The following DDX28 variants were observed in gnomAD, a reference collection of about 807,000 sequenced individuals.
The protein encoded by DDX28 is probable ATP-dependent RNA helicase DDX28.
A neutral mutation model predicts 26.8 loss-of-function variants in DDX28; 25 were observed. The observed-to-expected ratio is 0.93, with a 90% CI of 0.68 to 1.30. The LOEUF (loss-of-function observed/expected upper bound fraction) is 1.30. DDX28 is among the 50% of genes most tolerant of loss of function. DDX28 has a pLI of 0.00. For missense variants in DDX28, 790 were observed against 695.1 expected (o/e 1.14, Z -1.53); for synonymous variants, 370 against 311.9 (o/e 1.19, Z -1.96).
rs1406147955 is a variant in DDX28 at position 68,023,043 on chromosome 16, G to T, written c.160C>A (p.Arg54=). 1.3e-6 allele frequency: 2 copies of T among 1,593,688 alleles called. No homozygotes were observed. Among genetic ancestry groups the T allele is most frequent in the East Asian group, 4.5e-5 (2 of 44,482 alleles). The change falls in exon 1 of 1, where the codon CGG becomes AGG. Residue 54 remains arginine (R), a synonymous_variant. Coordinates refer to ENST00000332395, the MANE Select transcript of DDX28 (RefSeq NM_018380.4). ...ACCAGCACCGGCCTCGGGAGGTTCC[G>T]CCGCCTGCTCTGCCGCTGTTCCAAC... is the stretch of plus-strand genomic sequence containing the variant. ...RQLEQRQSRR[R]NLPRPVLVRP...
At position 68,022,523 on chromosome 16, in the gene DDX28, C is replaced by T. The variant is rs2033262461; in HGVS notation, c.680G>A (p.Gly227Asp). 1.9e-6 allele frequency: 3 copies of T among 1,613,928 alleles called. No individual in the cohort carries two copies. Among genetic ancestry groups the T allele is most frequent in the East Asian group, 2.2e-5 (1 of 44,882 alleles). ...QQVRAVAQPLGRSLGLLVRDL... is the reference protein window; with the variant it reads ...QQVRAVAQPLDRSLGLLVRDL... ...CCGCACCAGCAGGCCCAAGGAGCGGCCCAAGGGTTGGGCCACAGCCCGCAC... is the reference window on the plus strand; with the variant it reads ...CCGCACCAGCAGGCCCAAGGAGCGGTCCAAGGGTTGGGCCACAGCCCGCAC... Residue 227 changes from glycine to aspartate, a missense_variant, in exon 1 of 1, where the codon GGC becomes GAC. Coordinates refer to ENST00000332395, the MANE Select transcript of DDX28 (RefSeq NM_018380.4).
Position 68,022,065 on chromosome 16 carries a change from C to A in DDX28, c.1138G>T (p.Glu380Ter). Residue 380 changes from glutamate (E) to a stop codon, truncating the protein, a stop_gained, in exon 1 of 1, where the codon GAG (glutamate) becomes TAG (stop). Coordinates refer to ENST00000332395, the MANE Select transcript of DDX28 (RefSeq NM_018380.4). LOFTEE classifies it high-confidence loss of function. ...LRLKGADKVA[E>*]LVHILKHRDR... ...CGATGCTTGAGGATGTGCACCAGCT[C>A]GGCCACCTTATCTGCTCCCTTCAGT... is the stretch of plus-strand genomic sequence containing the variant. The A allele has an allele frequency of 6.2e-7, 1 of 1,614,180 alleles. No homozygotes were observed. The highest frequency in any genetic ancestry group is 8.5e-7 in the Non-Finnish European group (1 of 1,180,044).
Position 68,021,790 on chromosome 16 carries a change from A to G in DDX28, c.1413T>C (p.Asn471=), listed in dbSNP as rs2033245049. 3 of 1,613,934 alleles carry G rather than the reference A, an allele frequency of 1.9e-6. No individual in the cohort carries two copies. The South Asian group carries it at 3.3e-5, about 18-fold the overall frequency. Residue 471 remains asparagine, a synonymous_variant, in exon 1 of 1, where the codon AAT becomes AAC. Transcript: ENST00000332395. ...CTTGCAGCGTTGGGGGGAAATCATA[A>G]TTGACAACCAGCTCCACACCAGTGC... The part of the protein sequence containing the change: ...LDSTGVELVV[N]YDFPPTLQDY...
Position 68,022,873 on chromosome 16 carries a change from C to T in DDX28, c.330G>A (p.Glu110=). 6.4e-7 allele frequency: 1 copy of T among 1,571,966 alleles called. No homozygotes were observed. Among genetic ancestry groups the T allele is most frequent in the Non-Finnish European group, 8.6e-7 (1 of 1,159,566 alleles). ...CCGCTGGCGCCTCCTGTTGCGCGCG[C>T]TCGATGGAGAAGTGGTCCCGACGCG... ...RRARRDHFSI[E]RAQQEAPAVR... The change falls in exon 1 of 1, where the codon GAG becomes GAA. Residue 110 remains glutamate, a synonymous_variant. Coordinates refer to ENST00000332395, the MANE Select transcript of DDX28 (RefSeq NM_018380.4).
chr16:68,022,483 GC>G lies in DDX28; in HGVS notation c.719del (p.Gly240AlafsTer31). The G allele has an allele frequency of 6.2e-7, 1 of 1,613,850 alleles. No individual in the cohort carries two copies. Among genetic ancestry groups the G allele is most frequent in the African/African-American group, 1.3e-5 (1 of 75,060 alleles). On this transcript the variant is annotated frameshift_variant, in exon 1 of 1. Transcript: ENST00000332395. LOFTEE classifies it high-confidence loss of function. ...GCAGCCTGATCCTACGCATGCCGTG[GC>G]CTCCCTCCAGGTCCCGCACCAGCAG... The part of the protein sequence containing the change: ...LGLLVRDLEG[G>X]HGMRRIRLQL...
At position 68,022,276 on chromosome 16, in the gene DDX28, T is replaced by A. The variant is rs760000939; in HGVS notation, c.927A>T (p.Ile309=). The part of the protein sequence containing the change: ...LVDYILEKSH[I]AEGPADLEDP... ...CTTCCAAGTCAGCTGGGCCTTCTGC[T>A]ATGTGGCTCTTCTCTAAGATGTAGT... The change falls in exon 1 of 1, where the codon ATA becomes ATT. Residue 309 remains isoleucine, a synonymous_variant. Coordinates refer to ENST00000332395, the MANE Select transcript of DDX28 (RefSeq NM_018380.4). 2.5e-6 allele frequency: 4 copies of A among 1,614,098 alleles called. No homozygotes were observed. The highest frequency in any genetic ancestry group is 3.4e-6 in the Non-Finnish European group (4 of 1,180,028).
At position 68,021,570 on chromosome 16, in the gene DDX28, T is replaced by C. The variant is rs1270204301; in HGVS notation, c.*10A>G. ...GTTCTAGCATCACATTTTAATCAGA[T>C]TTGTCAAAATCAGGTTGCTTGGGGC... On this transcript the variant is annotated 3_prime_UTR_variant, in exon 1 of 1. Transcript: ENST00000332395. 1 of 1,608,462 alleles carries C rather than the reference T, an allele frequency of 6.2e-7. No homozygotes were observed. Among genetic ancestry groups the C allele is most frequent in the East Asian group, 2.2e-5 (1 of 44,798 alleles).
rs529329120 is a variant in DDX28, at chr16:68,022,710, C to A, written c.493G>T (p.Gly165Cys). The A allele has an allele frequency of 3.7e-6, 6 of 1,613,270 alleles. No individual in the cohort carries two copies. In the South Asian group the frequency reaches 6.6e-5, roughly 18 times the overall value. The change falls in exon 1 of 1, where the codon GGC becomes TGC. Residue 165 changes from glycine to cysteine, a missense_variant. Gly to Cys is a radical substitution (Grantham distance 159). Transcript: ENST00000332395. ...QSSTIPSLLR[G>C]RHVVCAAETG... ...TCTGCGGCGCAAACGACATGGCGGC[C>A]GCGAAGTAGTGAGGGGATGGTGCTA...
At position 68,023,067 on chromosome 16, in the gene DDX28, A is replaced by G. The variant is rs758521504; in HGVS notation, c.136T>C (p.Leu46=). 8.8e-6 allele frequency: 14 copies of G among 1,599,718 alleles called. No homozygotes were observed. In the East Asian group the frequency reaches 1.6e-4, roughly 18 times the overall value. Residue 46 remains leucine (L), a synonymous_variant, in exon 1 of 1, where the codon TTG becomes CTG. Coordinates refer to ENST00000332395, the MANE Select transcript of DDX28 (RefSeq NM_018380.4). ...CGCCGCCTGCTCTGCCGCTGTTCCAACTGCCGCTGTAGAGCCACTGGGATG... is the reference window on the plus strand; with the variant it reads ...CGCCGCCTGCTCTGCCGCTGTTCCAGCTGCCGCTGTAGAGCCACTGGGATG... ...VRIPVALQRQ[L]EQRQSRRRNL...
rs2151402765 is a variant in DDX28 at position 68,021,132 on chromosome 16, C to T, written c.*448G>A. On this transcript the variant is annotated 3_prime_UTR_variant, in exon 1 of 1. Transcript: ENST00000332395. ...TCTACTGCTAGTCACATTTCCTTTCCTTTCCTTTCCCTGGGGGCTTAATGG... is the reference window on the plus strand; with the variant it reads ...TCTACTGCTAGTCACATTTCCTTTCTTTTCCTTTCCCTGGGGGCTTAATGG... The T allele has an allele frequency of 5.7e-6, 1 of 175,396 alleles. No homozygotes were observed. Among genetic ancestry groups the T allele is most frequent in the East Asian group, 1.6e-4 (1 of 6,086 alleles). 10.9% of individuals were successfully genotyped at this position (175,396 alleles called of 1,614,324 possible). A position where few individuals can be genotyped will look rare whatever the true frequency, so the allele number is the denominator to read the frequency against.
chr16:68,022,347 C>T lies in DDX28; in HGVS notation c.856G>A (p.Asp286Asn). Residue 286 changes from aspartate (D) to asparagine (N), a missense_variant, in exon 1 of 1, where the codon GAT becomes AAT. By Grantham distance (23) the Asp-to-Asn change is conservative (BLOSUM62 1). Transcript: ENST00000332395. ...SLEQLSFLVLDEADTLLDESF... is the reference protein window; with the variant it reads ...SLEQLSFLVLNEADTLLDESF... ...TCATCCAGCAGTGTGTCTGCCTCAT[C>T]CAACACCAAGAAGGAGAGTTGCTCC... 1 of 1,614,224 alleles carries T rather than the reference C, an allele frequency of 6.2e-7. No homozygotes were observed. The highest frequency in any genetic ancestry group is 8.5e-7 in the Non-Finnish European group (1 of 1,180,036).
In DDX28 at chr16:68,022,045, C is replaced by T. The variant is rs1176483738; in HGVS notation, c.1158G>A (p.Lys386=). The T allele has an allele frequency of 6.2e-7, 1 of 1,614,082 alleles. No individual in the cohort carries two copies. Among genetic ancestry groups the T allele is most frequent in the African/African-American group, 1.3e-5 (1 of 74,916 alleles). Residue 386 remains lysine, a synonymous_variant, in exon 1 of 1, where the codon AAG becomes AAA. Coordinates refer to ENST00000332395, the MANE Select transcript of DDX28 (RefSeq NM_018380.4). ...DKVAELVHIL[K]HRDRAERTGP... ...CAGTCCTTTCTGCTCTGTCACGATG[C>T]TTGAGGATGTGCACCAGCTCGGCCA...
In DDX28 at chr16:68,022,825, G is replaced by A. The variant is rs569938852; in HGVS notation, c.378C>T (p.Gly126=). The A allele has an allele frequency of 3.2e-6, 5 of 1,574,640 alleles. No homozygotes were observed. The African/African-American group carries it at 5.4e-5, about 17-fold the overall frequency. The stretch of plus-strand genomic sequence containing the variant: ...GCTCCAGGCCCAGGTCAGCAAAGCT[G>A]CCCTTAGACGAGAGCTTTCGCACCG... ...APAVRKLSSK[G]SFADLGLEPR... is the part of the protein sequence containing the mutation. The change falls in exon 1 of 1, where the codon GGC becomes GGT. Residue 126 remains glycine, a synonymous_variant. Coordinates refer to ENST00000332395, the MANE Select transcript of DDX28 (RefSeq NM_018380.4).
In DDX28 at chr16:68,022,720, T is replaced by C. The variant is rs1163810430; in HGVS notation, c.483A>G (p.Ser161=). The change falls in exon 1 of 1, where the codon TCA becomes TCG. Residue 161 remains serine, a synonymous_variant. Transcript: ENST00000332395. ...AAACGACATGGCGGCCGCGAAGTAG[T>C]GAGGGGATGGTGCTAGACTGCACGG... ...PTTVQSSTIP[S]LLRGRHVVCA... 2 of 1,612,856 alleles carry C rather than the reference T, an allele frequency of 1.2e-6. No homozygotes were observed. The highest frequency in any genetic ancestry group is 2.2e-5 in the East Asian group (1 of 44,864).
chr16:68,022,456 C>G lies in DDX28; in HGVS notation c.747G>C (p.Gln249His). ...CATCTGCTGAAGGCTGTCTGGACAGCTGCAGCCTGATCCTACGCATGCCGT... is the reference window on the plus strand; with the variant it reads ...CATCTGCTGAAGGCTGTCTGGACAGGTGCAGCCTGATCCTACGCATGCCGT... ...GGHGMRRIRLQLSRQPSADVL... is the reference protein window; with the variant it reads ...GGHGMRRIRLHLSRQPSADVL... Residue 249 changes from glutamine (Q) to histidine (H), a missense_variant, in exon 1 of 1, where the codon CAG becomes CAC. Coordinates refer to ENST00000332395, the MANE Select transcript of DDX28 (RefSeq NM_018380.4). 1 of 1,613,912 alleles carries G rather than the reference C, an allele frequency of 6.2e-7. No homozygotes were observed. Among genetic ancestry groups the G allele is most frequent in the Non-Finnish European group, 8.5e-7 (1 of 1,180,030 alleles).
At position 68,021,232 on chromosome 16, in the gene DDX28, A is replaced by G. The variant is rs968881102; in HGVS notation, c.*348T>C. The G allele has an allele frequency of 1.5e-5, 4 of 270,692 alleles. No individual in the cohort carries two copies. The highest frequency in any genetic ancestry group is 4.5e-5 in the African/African-American group (2 of 44,476). 16.8% of individuals were successfully genotyped at this position (270,692 alleles called of 1,614,324 possible). On this transcript the variant is annotated 3_prime_UTR_variant, in exon 1 of 1. Coordinates refer to ENST00000332395, the MANE Select transcript of DDX28 (RefSeq NM_018380.4). ...CATCAACTGAAAGAGCCTTTGTCCT[A>G]GATGTGGAGGTTTGGTGTATGAATC...
In DDX28 at chr16:68,022,057, C is replaced by T. The variant is rs1052882338; in HGVS notation, c.1146G>A (p.Val382=). The T allele has an allele frequency of 6.2e-6, 10 of 1,614,086 alleles. No individual in the cohort carries two copies. The highest frequency in any genetic ancestry group is 5.0e-5 in the Admixed American group (3 of 59,998). The change falls in exon 1 of 1, where the codon GTG becomes GTA. Residue 382 remains valine, a synonymous_variant. Transcript: ENST00000332395. ...CTCTGTCACGATGCTTGAGGATGTG[C>T]ACCAGCTCGGCCACCTTATCTGCTC... ...LKGADKVAEL[V]HILKHRDRAE...
chr16:68,022,831 A>G lies in DDX28; in HGVS notation c.372T>C (p.Ser124=). ...GGCCCAGGTCAGCAAAGCTGCCCTT[A>G]GACGAGAGCTTTCGCACCGCTGGCG... The part of the protein sequence containing the change: ...QEAPAVRKLS[S]KGSFADLGLE... Residue 124 remains serine (S), a synonymous_variant, in exon 1 of 1, where the codon TCT becomes TCC. Coordinates refer to ENST00000332395, the MANE Select transcript of DDX28 (RefSeq NM_018380.4). 1.3e-6 allele frequency: 2 copies of G among 1,574,564 alleles called. No homozygotes were observed. The highest frequency in any genetic ancestry group is 2.7e-5 in the African/African-American group (2 of 73,558).
rs1326138180 is a variant in DDX28 at position 68,021,343 on chromosome 16, A to G, written c.*237T>C. 1.8e-6 allele frequency: 1 copy of G among 548,674 alleles called. No homozygotes were observed. Among genetic ancestry groups the G allele is most frequent in the Non-Finnish European group, 3.2e-6 (1 of 310,386 alleles). 34.0% of individuals were successfully genotyped at this position (548,674 alleles called of 1,614,324 possible). On this transcript the variant is annotated 3_prime_UTR_variant, in exon 1 of 1. Transcript: ENST00000332395. ...ATCATTTATTGTTAGAAATCATGACATGATACAAAGTCAAAATCCACTTGT... is the reference window on the plus strand; with the variant it reads ...ATCATTTATTGTTAGAAATCATGACGTGATACAAAGTCAAAATCCACTTGT...
Sources: gnomAD v4.1 joint callset for allele counts on GRCh38, gnomAD v4.1.1 for gene constraint, MANE v1.5 for transcripts, NCBI Gene and HGNC (gene_info 2026-07-23, HGNC 2026-07-21) for gene names.